Variants in IMMP2L observed in about 807,000 individuals in gnomAD.
IMMP2L encodes the protein inner mitochondrial membrane peptidase subunit 2, also known as mitochondrial inner membrane protease subunit 2.
IMMP2L carries 18 observed loss-of-function variants against 19.3 expected under a neutral mutation model. The observed-to-expected ratio is 0.93, with a 90% CI of 0.64 to 1.38. IMMP2L has a LOEUF of 1.38. IMMP2L is among the 40% of genes most tolerant of loss of function. The pLI is 0.00. For missense variants in IMMP2L, 233 were observed against 218.2 expected (o/e 1.07, Z -0.43); for synonymous variants, 76 against 73.0 (o/e 1.04, Z -0.21).
intron 3 of IMMP2L, among the ~76,000 whole-genome samples, chr7:111,340,097 GA>G (rs886101844): frequency 7.3e-5 from 11 of 150,534 alleles, no homozygotes; most frequent in African/African-American, 1.9e-4. Flanking sequence ...GGAAAAAATA[GA>G]AAAAAAAAGT....
At chr7:110,688,162 G>T (rs1428242747) in intron 5 of IMMP2L, among the ~76,000 whole-genome samples, 1 of 152,010 alleles carries the variant, frequency 6.6e-6, no homozygotes, top group Non-Finnish European at 1.5e-5. Context: ...TCCAGTTTAT[G>T]CCATGTGAAT....
intron 5 of IMMP2L, among the ~76,000 whole-genome samples, chr7:110,739,878 G>A (rs2130861714): frequency 6.6e-6 from 1 of 152,100 alleles, no homozygotes. Flanking sequence ...AGACCACAGT[G>A]GAATAACATT....
intron 2 of IMMP2L, among the ~76,000 whole-genome samples, chr7:111,500,517 G>T (rs910384058): frequency 2.0e-5 from 3 of 152,146 alleles, no homozygotes; most frequent in African/African-American, 7.2e-5. Context: ...CCTCAAGTGG[G>T]TCCCTGACTC....
chr7:110,751,098 T>C (rs1797688357), intron 5 of IMMP2L, among the ~76,000 whole-genome samples: 1 of 151,824 alleles, frequency 6.6e-6, no homozygotes, highest in Admixed American at 6.6e-5. Flanking sequence ...CCTTAACGAA[T>C]ACTCTCTTGA....
intron 3 of IMMP2L, among the ~76,000 whole-genome samples, chr7:111,409,621 G>T (rs1834217973): frequency 6.6e-6 from 1 of 151,548 alleles, no homozygotes; most frequent in African/African-American, 2.4e-5. Flanking sequence ...TCTATATAAA[G>T]ATTTGAAATT....
intron 5 of IMMP2L, among the ~76,000 whole-genome samples, chr7:110,868,081 GCT>G (rs1011081415): frequency 1.0e-4 from 15 of 148,826 alleles, no homozygotes; most frequent in African/African-American, 3.8e-4. Flanking sequence ...TTTATCTGTA[GCT>G]CTTTTTATTC....
In IMMP2L at chr7:110,876,032, A is replaced by C. The variant is rs1809026990; in HGVS notation, c.408+10561T>G. Among the ~76,000 whole-genome samples, 5 of 152,304 alleles carry C rather than the reference A, an allele frequency of 3.3e-5. No homozygotes were observed. In the South Asian group the frequency reaches 1.0e-3, roughly 32 times the overall value. On this transcript the variant is annotated intron_variant, in intron 5 of 5. Coordinates refer to ENST00000405709, the MANE Select transcript of IMMP2L (RefSeq NM_032549.4). The stretch of plus-strand genomic sequence containing the variant: ...ACATTCTATATCATTTCTTCAAAAA[A>C]ACGGATACATTTCTTTATGAAAATA...
chr7:110,972,279 G>A (rs1016355610), intron 3 of IMMP2L, among the ~76,000 whole-genome samples: 2 of 151,920 alleles, frequency 1.3e-5, no homozygotes, highest in African/African-American at 4.8e-5. Flanking sequence ...CATTCAGCTA[G>A]CTCCAGTTGC....
chr7:111,439,876 C>A (rs1837550735), intron 3 of IMMP2L, among the ~76,000 whole-genome samples: 1 of 151,924 alleles, frequency 6.6e-6, no homozygotes, highest in African/African-American at 2.4e-5. Flanking sequence ...TGCTTTACCA[C>A]CTAAGTTTAT....
chr7:110,845,896 T>G (rs1302496766), intron 5 of IMMP2L, among the ~76,000 whole-genome samples: 1 of 152,050 alleles, frequency 6.6e-6, no homozygotes, highest in African/African-American at 2.4e-5. Context: ...TTTCCCACCA[T>G]GTGAGGATAG....
intron 3 of IMMP2L, among the ~76,000 whole-genome samples, chr7:111,107,190 C>T (rs777759293): frequency 1.2e-4 from 18 of 151,574 alleles, no homozygotes; most frequent in Admixed American, 1.3e-4. Context: ...TCTCTCCTTC[C>T]CTCCCTTCTT....
At chr7:110,871,259 T>C (rs1403390624) in intron 5 of IMMP2L, among the ~76,000 whole-genome samples, 1 of 152,078 alleles carries the variant, frequency 6.6e-6, no homozygotes, top group African/African-American at 2.4e-5. Context: ...AACATCCAAG[T>C]GTGATACCAT....
intron 3 of IMMP2L, among the ~76,000 whole-genome samples, chr7:111,360,227 T>C (rs893169952): frequency 6.6e-6 from 1 of 152,132 alleles, no homozygotes; most frequent in Non-Finnish European, 1.5e-5. Context: ...ATAATACATA[T>C]GCAAAAACTA....
At chr7:111,038,573 T>A (rs1439430017) in intron 3 of IMMP2L, among the ~76,000 whole-genome samples, 1 of 152,096 alleles carries the variant, frequency 6.6e-6, no homozygotes, top group Non-Finnish European at 1.5e-5. Context: ...AACTAAAATG[T>A]AAAGAGGTGA....
intron 3 of IMMP2L, among the ~76,000 whole-genome samples, chr7:111,373,120 G>GAA (rs907480273): frequency 1.5e-5 from 2 of 137,562 alleles, no homozygotes. Flanking sequence ...ATTAAGTGGT[G>GAA]AAAAAAAAAA....
At chr7:110,744,484 C>T (rs1484337772) in intron 5 of IMMP2L, among the ~76,000 whole-genome samples, 1 of 152,180 alleles carries the variant, frequency 6.6e-6, no homozygotes, top group Non-Finnish European at 1.5e-5. Context: ...CAACAGACAC[C>T]TCATACAGGA....
At chr7:111,113,956 C>T (rs1419571780) in intron 3 of IMMP2L, among the ~76,000 whole-genome samples, 1 of 152,152 alleles carries the variant, frequency 6.6e-6, no homozygotes, top group Non-Finnish European at 1.5e-5. Context: ...CTTTTCCTCT[C>T]AATTTATGTG....
intron 3 of IMMP2L, among the ~76,000 whole-genome samples, chr7:111,331,903 A>T (rs1258288592): frequency 6.6e-6 from 1 of 151,944 alleles, no homozygotes; most frequent in East Asian, 1.9e-4. Flanking sequence ...AGATGACCTT[A>T]ACCCAACTTG....
chr7:111,048,238 C>CAAAAAA (rs575701337), intron 3 of IMMP2L, among the ~76,000 whole-genome samples: 3 of 18,340 alleles, frequency 1.6e-4, no homozygotes, highest in East Asian at 5.3e-3. Flanking sequence ...GACTCTGTCT[C>CAAAAAA]AAAAAAAAAA....
Sources: allele counts gnomAD v4.1 joint callset (sites outside exome capture counted in the v4.1 genomes callset), GRCh38; gene constraint gnomAD v4.1.1; transcripts MANE v1.5; gene names NCBI Gene and HGNC (gene_info 2026-07-23, HGNC 2026-07-21).